The following ADGRB3 variants were observed in gnomAD, a reference collection of about 807,000 sequenced individuals.
ADGRB3 encodes the protein brain-specific angiogenesis inhibitor 3.
A neutral mutation model predicts 193.4 loss-of-function variants in ADGRB3; 37 were observed. The observed-to-expected ratio is 0.19, with a 90% CI of 0.15 to 0.25. The LOEUF (loss-of-function observed/expected upper bound fraction) is 0.25, where lower values mean the gene tolerates loss of function less well. Among genes scored for constraint, ADGRB3 ranks in the 10% least tolerant of loss-of-function variants. The pLI is 1.00. For missense variants in ADGRB3, 1,637 were observed against 1,852.9 expected, an observed-to-expected ratio of 0.88 and a Z score of 2.14; for synonymous variants, 690 against 644.2, an observed-to-expected ratio of 1.07 and a Z score of -1.08.
intron 17 of ADGRB3, among the ~76,000 whole-genome samples, chr6:69,158,978 A>G (rs907082944): frequency 7.9e-5 from 12 of 152,038 alleles, no homozygotes; most frequent in African/African-American, 2.9e-4. Context: ...CCAGCATCCA[A>G]CGCCCCCACC....
intron 17 of ADGRB3, among the ~76,000 whole-genome samples, chr6:69,093,014 G>C (rs1002769388): frequency 5.3e-5 from 8 of 151,238 alleles, no homozygotes; most frequent in Admixed American, 5.3e-4. Context: ...ACATTCAGGG[G>C]TGGAAGGGTG....
chr6:68,864,802 CT>C (rs2150216388), intron 3 of ADGRB3, among the ~76,000 whole-genome samples: 1 of 152,252 alleles, frequency 6.6e-6, no homozygotes, highest in African/African-American at 2.4e-5. Context: ...AATTCTGGGG[CT>C]TGAAGCATTA....
chr6:69,020,978 T>C (rs1770247089), intron 13 of ADGRB3, among the ~76,000 whole-genome samples: 1 of 151,994 alleles, frequency 6.6e-6, no homozygotes, highest in Non-Finnish European at 1.5e-5. Flanking sequence ...TTCCAATGTT[T>C]TTGAGCATGG....
intron 26 of ADGRB3, among the ~76,000 whole-genome samples, chr6:69,341,344 A>T (rs755708961): frequency 2.6e-5 from 4 of 152,110 alleles, no homozygotes; most frequent in Admixed American, 6.5e-5. Context: ...TGTGGTTTTG[A>T]TTTGCATTTC....
chr6:68,650,942 C>T (rs956597594), intron 3 of ADGRB3, among the ~76,000 whole-genome samples: 8 of 152,022 alleles, frequency 5.3e-5, no homozygotes, highest in African/African-American at 1.9e-4. Context: ...TATTTTATGT[C>T]TGCTGGATGT....
chr6:69,353,047 G>A (rs1029459508), intron 26 of ADGRB3, among the ~76,000 whole-genome samples: 1 of 152,136 alleles, frequency 6.6e-6, no homozygotes, highest in Non-Finnish European at 1.5e-5. Context: ...ACATTGACTT[G>A]GAATAAGTAG....
At chr6:69,362,632 A>G (rs1424705297) in intron 29 of ADGRB3, among the ~76,000 whole-genome samples, 1 of 152,000 alleles carries the variant, frequency 6.6e-6, no homozygotes, top group African/African-American at 2.4e-5. Flanking sequence ...GATCACCCTC[A>G]AACTGAGTAA....
chr6:69,102,906 A>C (rs1463865379), intron 17 of ADGRB3, among the ~76,000 whole-genome samples: 1 of 152,204 alleles, frequency 6.6e-6, no homozygotes, highest in East Asian at 1.9e-4. Context: ...GAGTTATTCT[A>C]ATTTTGTTGT....
At chr6:68,900,014 G>T (rs1766350266) in intron 3 of ADGRB3, among the ~76,000 whole-genome samples, 1 of 151,994 alleles carries the variant, frequency 6.6e-6, no homozygotes, top group Non-Finnish European at 1.5e-5. Flanking sequence ...TACCTTGAGG[G>T]TAATCAATAA....
At chr6:68,972,831 G>A (rs996877574) in intron 8 of ADGRB3, among the ~76,000 whole-genome samples, 9 of 152,318 alleles carry the variant, frequency 5.9e-5, no homozygotes, top group African/African-American at 1.9e-4. Context: ...GGTTGGTGGA[G>A]GAGTGTTGGA....
chr6:68,791,057 A>G (rs1454696768), intron 3 of ADGRB3, among the ~76,000 whole-genome samples: 1 of 151,890 alleles, frequency 6.6e-6, no homozygotes, highest in Non-Finnish European at 1.5e-5. Flanking sequence ...CTTAAAAAAA[A>G]AAAAAAAAAG....
chr6:69,368,990 C>T (rs1443164320), intron 29 of ADGRB3, among the ~76,000 whole-genome samples: 1 of 151,922 alleles, frequency 6.6e-6, no homozygotes, highest in Non-Finnish European at 1.5e-5. Context: ...GGATTATTTA[C>T]GTTAGGTTAT....
At chr6:69,071,449 AGAG>A (rs1440733211) in intron 16 of ADGRB3, among the ~76,000 whole-genome samples, 1 of 152,204 alleles carries the variant, frequency 6.6e-6, no homozygotes, top group Admixed American at 6.5e-5. Flanking sequence ...ACGTTGGAAC[AGAG>A]GAGAGAAGTA....
chr6:69,234,265 C>T (rs1766214572), intron 18 of ADGRB3, among the ~76,000 whole-genome samples: 2 of 152,132 alleles, frequency 1.3e-5, no homozygotes, highest in Admixed American at 6.5e-5. Context: ...AATTAATTAA[C>T]GTCATGTAAG....
chr6:68,916,160 A>G (rs1341670162), intron 3 of ADGRB3, among the ~76,000 whole-genome samples: 2 of 152,104 alleles, frequency 1.3e-5, no homozygotes, highest in Non-Finnish European at 2.9e-5. Flanking sequence ...TATGAATAAG[A>G]AAGAATGAAT....
At chr6:68,670,002 C>T in intron 3 of ADGRB3, among the ~76,000 whole-genome samples, 1 of 151,846 alleles carries the variant, frequency 6.6e-6, no homozygotes, top group Non-Finnish European at 1.5e-5. Context: ...TTTTGATTTG[C>T]ATTTATCTGA....
At position 68,639,296 on chromosome 6, in the gene ADGRB3, C is replaced by G; in HGVS notation, c.621C>G (p.Ile207Met). The G allele has an allele frequency of 6.2e-7, 1 of 1,613,986 alleles. No individual in the cohort carries two copies. Among genetic ancestry groups the G allele is most frequent in the South Asian group, 1.1e-5 (1 of 91,066 alleles). Residue 207 changes from isoleucine to methionine, a missense_variant, in exon 3 of 32, where the codon ATC becomes ATG. Ile to Met is a conservative substitution (Grantham distance 10). This residue lies in a region of ADGRB3 where 365 missense variants were observed against 409.8 expected (regional missense o/e 0.89). Coordinates refer to ENST00000370598, the MANE Select transcript of ADGRB3 (RefSeq NM_001704.3). ...CTCAGCATTTGGGAGAGTGGGGGAT[C>G]GACGACCAGTCGCTGATTTTGTTAA... Reference protein sequence around the residue: ...TCPQHLGEWGIDDQSLILLNN... With the variant: ...TCPQHLGEWGMDDQSLILLNN...
intron 3 of ADGRB3, among the ~76,000 whole-genome samples, chr6:68,791,980 G>A (rs1767116393): frequency 6.6e-6 from 1 of 152,138 alleles, no homozygotes; most frequent in Non-Finnish European, 1.5e-5. Flanking sequence ...TGGTCAGCCA[G>A]GGCAGTGTCA....
chr6:69,255,277 C>A (rs13208260), intron 20 of ADGRB3, among the ~76,000 whole-genome samples: 1 of 152,108 alleles, frequency 6.6e-6, no homozygotes, highest in Non-Finnish European at 1.5e-5. Flanking sequence ...CCTGAGGAAT[C>A]GCCACACTGA....
Sources: gnomAD v4.1 joint callset for allele counts (sites outside exome capture counted in the v4.1 genomes callset) on GRCh38, gnomAD v4.1.1 for gene constraint, gnomAD v4.1.1 regional missense constraint, MANE v1.5 for transcripts, NCBI Gene and HGNC (gene_info 2026-07-23, HGNC 2026-07-21) for gene names.